SEMA3A: variants seen among roughly 807,000 people sequenced by gnomAD.
SEMA3A encodes the protein semaphorin 3A, also known as semaphorin-3A.
SEMA3A carries 29 observed loss-of-function variants against 97.9 expected under a neutral mutation model. That is an observed-to-expected ratio of 0.30 (90% CI 0.22 to 0.40). The LOEUF (loss-of-function observed/expected upper bound fraction) is 0.40, where lower values mean the gene tolerates loss of function less well. Ranked by LOEUF, SEMA3A falls within the 10% of genes least tolerant of loss-of-function variation. The probability of loss-of-function intolerance (pLI) is 1.00; values close to 1 mark genes in which losing one functional copy is unlikely to be tolerated. For synonymous variants in SEMA3A, 321 were observed against 323.7 expected (o/e 0.99, Z 0.09); for missense variants, 763 against 951.3 (o/e 0.80, Z 2.60).
chr7:84,323,871 A>C (rs556143558), intron 2 of SEMA3A, among the ~76,000 whole-genome samples: 1 of 152,294 alleles, frequency 6.6e-6, no homozygotes, highest in African/African-American at 2.4e-5. Flanking sequence ...GCTGTAGTAC[A>C]TCTGCACAAT....
At chr7:84,215,688 T>C (rs1032871478) in intron 3 of SEMA3A, among the ~76,000 whole-genome samples, 1 of 152,250 alleles carries the variant, frequency 6.6e-6, no homozygotes, top group African/African-American at 2.4e-5. Flanking sequence ...ATCTGTTTTA[T>C]TCCATATTCC....
intron 5 of SEMA3A, among the ~76,000 whole-genome samples, chr7:84,059,056 C>T (rs1451089652): frequency 1.3e-5 from 2 of 152,092 alleles, no homozygotes; most frequent in African/African-American, 2.4e-5. Flanking sequence ...TAAGGAATAC[C>T]TATCCTTTTT....
At chr7:84,371,842 T>C (rs2116104023) in exon 2 of SEMA3A, 1 of 152,202 alleles carries the variant, frequency 6.6e-6, no homozygotes, top group Non-Finnish European at 1.5e-5. Context: ...GGGCCTCTTC[T>C]TGATGAATAA....
At chr7:84,356,613 C>T (rs17158931) in intron 2 of SEMA3A, among the ~76,000 whole-genome samples, 1 of 151,666 alleles carries the variant, frequency 6.6e-6, no homozygotes, top group Non-Finnish European at 1.5e-5. Context: ...CAAAGCTTTA[C>T]AATATGCATT....
chr7:84,082,769 C>A (rs1794204990), intron 4 of SEMA3A, among the ~76,000 whole-genome samples: 1 of 151,748 alleles, frequency 6.6e-6, no homozygotes, highest in African/African-American at 2.4e-5. Flanking sequence ...TGCTATTATT[C>A]AAACTCAAAA....
At chr7:84,411,567 T>TTATATATATATATA (rs60469024) in intron 1 of SEMA3A, among the ~76,000 whole-genome samples, 36 of 149,176 alleles carry the variant, frequency 2.4e-4, no homozygotes, top group African/African-American at 8.6e-4. Flanking sequence ...TTGGGTATAA[T>TTATATATATATATA]TATATATATA....
At chr7:84,060,032 C>A (rs1793151228) in intron 5 of SEMA3A, among the ~76,000 whole-genome samples, 1 of 152,038 alleles carries the variant, frequency 6.6e-6, no homozygotes, top group African/African-American at 2.4e-5. Context: ...ATGATGGTTA[C>A]AGAAAAAGGT....
At chr7:84,318,859 T>A (rs1421057598) in intron 2 of SEMA3A, among the ~76,000 whole-genome samples, 2 of 152,164 alleles carry the variant, frequency 1.3e-5, no homozygotes, top group Admixed American at 6.5e-5. Context: ...TGATATAAAG[T>A]CACCAGATAA....
chr7:84,406,433 G>A (rs1046833207), intron 1 of SEMA3A, among the ~76,000 whole-genome samples: 1 of 152,124 alleles, frequency 6.6e-6, no homozygotes, highest in Non-Finnish European at 1.5e-5. Flanking sequence ...AAAAAGTCCA[G>A]GACAAGATGG....
chr7:84,171,436 T>C (rs1797379386), intron 1 of SEMA3A, among the ~76,000 whole-genome samples: 1 of 152,148 alleles, frequency 6.6e-6, no homozygotes, highest in African/African-American at 2.4e-5. Context: ...TCTGTATATA[T>C]GTTAATTACC....
chr7:84,308,403 C>A (rs1801220471), intron 2 of SEMA3A, among the ~76,000 whole-genome samples: 1 of 152,142 alleles, frequency 6.6e-6, no homozygotes, highest in Non-Finnish European at 1.5e-5. Flanking sequence ...TACCAAACAT[C>A]CCTTGGATAC....
intron 1 of SEMA3A, among the ~76,000 whole-genome samples, chr7:84,168,196 A>T (rs1797275117): frequency 6.6e-6 from 1 of 152,060 alleles, no homozygotes; most frequent in South Asian, 2.1e-4. Flanking sequence ...AAGGACAATG[A>T]AAAATAAACA....
Position 83,960,387 on chromosome 7 carries a change from G to C in SEMA3A, c.*984C>G, listed in dbSNP as rs897464432. On this transcript the variant is annotated 3_prime_UTR_variant, in exon 17 of 17. Transcript: ENST00000265362. ...TCCTTTTTTCCTGCTTAAATGTTCT[G>C]TTTTTTTTTCTAAGAACATTATGCA... is the stretch of plus-strand genomic sequence containing the variant. The C allele has an allele frequency of 6.7e-6, 1 of 149,464 alleles. No homozygotes were observed. Among genetic ancestry groups the C allele is most frequent in the Non-Finnish European group, 1.5e-5 (1 of 67,178 alleles). The allele number at this position is 149,464 out of a possible 1,614,324, so 9.3% of individuals were successfully genotyped here. A position where few individuals can be genotyped will look rare whatever the true frequency, so the allele number is the denominator to read the frequency against.
chr7:84,048,173 A>T (rs1792435768), intron 5 of SEMA3A, among the ~76,000 whole-genome samples: 1 of 152,020 alleles, frequency 6.6e-6, no homozygotes, highest in Non-Finnish European at 1.5e-5. Context: ...TGTCATCCTA[A>T]ATTGTCACAG....
chr7:84,487,454 G>A (rs890576229), intron 1 of SEMA3A, among the ~76,000 whole-genome samples: 2 of 152,144 alleles, frequency 1.3e-5, no homozygotes, highest in Admixed American at 6.6e-5. Context: ...CCTGGAACAT[G>A]AGCCAGAAGC....
intron 1 of SEMA3A, among the ~76,000 whole-genome samples, chr7:84,488,527 A>T (rs916005164): frequency 1.1e-4 from 17 of 151,606 alleles, no homozygotes; most frequent in Non-Finnish European, 2.1e-4. Context: ...GGTGATTCTC[A>T]TTGAAAGACT....
chr7:84,180,918 A>G (rs1404728958), intron 1 of SEMA3A, among the ~76,000 whole-genome samples: 1 of 152,146 alleles, frequency 6.6e-6, no homozygotes. Context: ...TTATTTAGAT[A>G]TTCATTATAA....
chr7:84,264,022 ACAGT>A (rs1799926801), intron 3 of SEMA3A, among the ~76,000 whole-genome samples: 1 of 152,200 alleles, frequency 6.6e-6, no homozygotes, highest in Non-Finnish European at 1.5e-5. Context: ...AAATTATGAA[ACAGT>A]CAGCATTATC....
chr7:84,255,214 T>C (rs531676571), intron 3 of SEMA3A, among the ~76,000 whole-genome samples: 8 of 152,308 alleles, frequency 5.3e-5, no homozygotes, highest in Admixed American at 5.2e-4. Flanking sequence ...TAATTTTTTA[T>C]TGAGCACTGA....
Sources: allele counts gnomAD v4.1 joint callset (sites outside exome capture counted in the v4.1 genomes callset), GRCh38; gene constraint gnomAD v4.1.1; transcripts MANE v1.5; gene names NCBI Gene and HGNC (gene_info 2026-07-23, HGNC 2026-07-21).